Variants in SEMA4C observed in about 807,000 individuals in gnomAD.
The protein encoded by SEMA4C is semaphorin 4C.
In SEMA4C, 19 loss-of-function variants were observed where a neutral mutation model predicts 89.0. That is an observed-to-expected ratio of 0.21 (90% confidence interval 0.15 to 0.31). The LOEUF is 0.31. Among genes scored for constraint, SEMA4C ranks in the 10% least tolerant of loss-of-function variants. SEMA4C has a pLI of 1.00. For synonymous variants in SEMA4C, 428 were observed against 472.7 expected (o/e 0.91, Z 1.23); for missense variants, 811 against 1,107.0 (o/e 0.73, Z 3.79).
In SEMA4C at chr2:96,861,354, C is replaced by T. The variant is rs759807185; in HGVS notation, c.1774G>A (p.Gly592Ser). 1 of 1,607,730 alleles carries T rather than the reference C, an allele frequency of 6.2e-7. No homozygotes were observed. Among genetic ancestry groups the T allele is most frequent in the East Asian group, 2.2e-5 (1 of 44,888 alleles). ...NLAHARWTFG[G>S]RDLPAEQPGS... The stretch of plus-strand genomic sequence containing the variant: ...GGCTGTTCCGCAGGCAGGTCCCGGC[C>T]CCCAAAGGTCCAGCGGGCATGGGCC... The change falls in exon 15 of 15, where the codon GGC (glycine) becomes AGC (serine). Residue 592 changes from glycine (G) to serine (S), a missense_variant. Gly to Ser is a moderately conservative substitution (Grantham distance 56). Transcript: ENST00000305476. The surrounding 1 kb of genome is among the most constrained non-coding windows in gnomAD (Gnocchi z 7.8).
chr2:96,867,238 G>A (rs1270145416), intron 2 of SEMA4C, among the ~76,000 whole-genome samples: 1 of 152,224 alleles, frequency 6.6e-6, no homozygotes, highest in African/African-American at 2.4e-5. Flanking sequence ...GAGCCTGTGG[G>A]AGGTGAGCTC....
intron 12 of SEMA4C, chr2:96,863,165 G>A (rs1559032522): frequency 3.6e-6 from 3 of 826,588 alleles, no homozygotes; most frequent in East Asian, 1.2e-4. Context: ...AGCTGAGATC[G>A]CGTCACTGCA....
chr2:96,870,659 G>A (rs1342353292), upstream of SEMA4C: 2 of 985,348 alleles, frequency 2.0e-6, no homozygotes, highest in African/African-American at 3.5e-5. Context: ...CAACAGAAAG[G>A]GCCTGCTCCT....
Position 96,860,898 on chromosome 2 carries a change from T to C in SEMA4C, c.2230A>G (p.Lys744Glu). ...CACCGGGCATGCCCAGGTACTATCT[T>C]AAGGGAGCCATCTGAATAGTAGTAA... ...VGYYYSDGSLKIVPGHARCQP... is the reference protein window; with the variant it reads ...VGYYYSDGSLEIVPGHARCQP... The change falls in exon 15 of 15, where the codon AAG (lysine) becomes GAG (glutamate). Residue 744 changes from lysine to glutamate, a missense_variant. By Grantham distance (56) the Lys-to-Glu change is moderately conservative. This residue lies in a region of SEMA4C where 248 missense variants were observed against 269.0 expected (regional missense o/e 0.92). Transcript: ENST00000305476. The C allele has an allele frequency of 6.2e-7, 1 of 1,613,126 alleles. No individual in the cohort carries two copies. The highest frequency in any genetic ancestry group is 8.5e-7 in the Non-Finnish European group (1 of 1,180,014).
intron 2 of SEMA4C, 49 bp from the exon 3 acceptor site, chr2:96,866,480 C>G (rs1183791005): frequency 6.2e-6 from 10 of 1,612,866 alleles, no homozygotes; most frequent in Non-Finnish European, 8.5e-6. Context: ...TGGGGCTCGA[C>G]AGCCCTCAGT....
intron 6 of SEMA4C, 27 bp from the exon 7 acceptor site, chr2:96,865,347 C>T (rs780434224): frequency 5.6e-6 from 9 of 1,612,774 alleles, no homozygotes; most frequent in Non-Finnish European, 5.9e-6. Context: ...TCAGCTAGGC[C>T]ACACATGAGG....
Position 96,870,064 on chromosome 2 carries a change from G to A in SEMA4C, c.-226C>T, listed in dbSNP as rs2080171426. ...CGGGCTCCCCGCGCCACCACGGCGGGCGCCGGCTCTTTCTCCAGCGCGGCC... is the reference window on the plus strand; with the variant it reads ...CGGGCTCCCCGCGCCACCACGGCGGACGCCGGCTCTTTCTCCAGCGCGGCC... On this transcript the variant is annotated 5_prime_UTR_variant, in exon 1 of 15. Transcript: ENST00000305476. The A allele has an allele frequency of 1.0e-6, 1 of 977,874 alleles. No homozygotes were observed. Among genetic ancestry groups the A allele is most frequent in the Middle Eastern group, 5.2e-4 (1 of 1,908 alleles). 60.6% of individuals were successfully genotyped at this position (977,874 alleles called of 1,614,324 possible).
At chr2:96,870,155 C>A (rs903946943), upstream of SEMA4C, 29 of 980,492 alleles carry the variant, frequency 3.0e-5, no homozygotes, top group South Asian at 5.2e-4. Context: ...GGGGGCGGGC[C>A]GCGAAGGCTC....
In SEMA4C at chr2:96,860,856, G is replaced by C. The variant is rs908604554; in HGVS notation, c.2272C>G (p.Pro758Ala). The C allele has an allele frequency of 6.2e-7, 1 of 1,613,124 alleles. No individual in the cohort carries two copies. Reference protein sequence around the residue: ...GHARCQPGGGPPSPPPGIPGQ... With the variant: ...GHARCQPGGGAPSPPPGIPGQ... The stretch of plus-strand genomic sequence containing the variant: ...GGGATGCCTGGAGGTGGCGAAGGGG[G>C]CCCCCCACCGGGCTGGCACCGGGCA... The change falls in exon 15 of 15, where the codon CCC becomes GCC. Residue 758 changes from proline (P) to alanine (A), a missense_variant. By Grantham distance (27) the Pro-to-Ala change is conservative. Coordinates refer to ENST00000305476, the MANE Select transcript of SEMA4C (RefSeq NM_017789.5).
intron 3 of SEMA4C, 127 bp downstream of exon 3, chr2:96,866,156 C>T (rs2080065918): frequency 1.5e-6 from 2 of 1,350,012 alleles, no homozygotes; most frequent in East Asian, 2.3e-5. Flanking sequence ...AACCAGAGGG[C>T]AGGCCCCGGA....
Position 96,865,104 on chromosome 2 carries a change from C to A in SEMA4C, c.646G>T (p.Val216Leu), listed in dbSNP as rs1295045828. 6.4e-7 allele frequency: 1 copy of A among 1,572,948 alleles called. No homozygotes were observed. Among genetic ancestry groups the A allele is most frequent in the Non-Finnish European group, 8.6e-7 (1 of 1,158,986 alleles). The change falls in exon 8 of 15, where the codon GTA becomes TTA. Residue 216 changes from valine to leucine, a missense_variant. Coordinates refer to ENST00000305476, the MANE Select transcript of SEMA4C (RefSeq NM_017789.5). ...LAFWLNEPHF[V>L]GSAYVPESVG... ...CTCTCAGGTACATAGGCAGAGCCTA[C>A]AAAGTGAGGTTCTGTGGGAAGGGGA...
rs750339021 is a variant in SEMA4C at position 96,860,604 on chromosome 2, G to A, written c.*22C>T. ...AGGAGCTACACCTCCCACGCTTCCC[G>A]CCGACGCGGTGGGGGTTCCCCTCAT... On this transcript the variant is annotated 3_prime_UTR_variant, in exon 15 of 15. Transcript: ENST00000305476. 52 of 1,568,622 alleles carry A rather than the reference G, an allele frequency of 3.3e-5. No homozygotes were observed. Among genetic ancestry groups the A allele is most frequent in the East Asian group, 9.0e-5 (4 of 44,442 alleles).
Position 96,863,686 on chromosome 2 carries a change from C to G in SEMA4C, c.1439G>C (p.Ser480Thr), listed in dbSNP as rs753796093. The change falls in exon 12 of 15, where the codon AGC becomes ACC. Residue 480 changes from serine to threonine, a missense_variant. Physicochemically the swap from Ser to Thr is moderately conservative, Grantham distance 58 (BLOSUM62 1). This residue lies in a region of SEMA4C where 441 missense variants were observed against 664.9 expected (regional missense o/e 0.66). Coordinates refer to ENST00000305476, the MANE Select transcript of SEMA4C (RefSeq NM_017789.5). The part of the protein sequence containing the change: ...EPMRSLVLSQ[S>T]KKLLFAGSRS... ...AGATAGGGCCCAACTTACTACCTTG[C>G]TCTGAGATAGCACCAGGCTTCTCAT... 4 of 1,613,674 alleles carry G rather than the reference C, an allele frequency of 2.5e-6. No individual in the cohort carries two copies. The highest frequency in any genetic ancestry group is 3.4e-6 in the Non-Finnish European group (4 of 1,179,728).
chr2:96,870,531 G>A (rs746818280), upstream of SEMA4C: 4 of 984,950 alleles, frequency 4.1e-6, no homozygotes, highest in Non-Finnish European at 4.8e-6. Context: ...GTCTTTTGGG[G>A]CGGACCAGAG....
At position 96,866,975 on chromosome 2, in the gene SEMA4C, G is replaced by A. The variant is rs146636273; in HGVS notation, c.110-544C>T. On this transcript the variant is annotated intron_variant, in intron 2 of 14. Transcript: ENST00000305476. ...GGGATGGCAGGAGGGGAGCTGGGCT[G>A]TGAGCCAGGCCAGGGAGGTCCGGAG... The A allele has an allele frequency of 3.0e-4, 77 of 255,330 alleles. 1 individual carries two copies. The highest frequency in any genetic ancestry group is 1.6e-3 in the African/African-American group (74 of 44,854). The allele number at this position is 255,330 out of a possible 1,614,324, so 15.8% of individuals were successfully genotyped here. A position where few individuals can be genotyped will look rare whatever the true frequency, so the allele number is the denominator to read the frequency against.
chr2:96,868,045 C>T (rs2080121167), intron 1 of SEMA4C, 122 bp from the exon 2 acceptor site: 2 of 1,331,994 alleles, frequency 1.5e-6, no homozygotes, highest in African/African-American at 1.5e-5. Flanking sequence ...GCCCTCCTTC[C>T]CCTTCTCTTT....
intron 1 of SEMA4C, 119 bp downstream of exon 1, chr2:96,869,757 C>G (rs1018117509): frequency 2.3e-5 from 23 of 985,298 alleles, no homozygotes; most frequent in Middle Eastern, 5.2e-4. Context: ...GCCGCCGCGG[C>G]TCCCCGCGCC....
In SEMA4C at chr2:96,860,446, G is replaced by C; in HGVS notation, c.*180C>G. 1 of 551,664 alleles carries C rather than the reference G, an allele frequency of 1.8e-6. No individual in the cohort carries two copies. The highest frequency in any genetic ancestry group is 3.1e-5 in the South Asian group (1 of 32,284). 34.2% of individuals were successfully genotyped at this position (551,664 alleles called of 1,614,324 possible). A position where few individuals can be genotyped will look rare whatever the true frequency, so the allele number is the denominator to read the frequency against. On this transcript the variant is annotated 3_prime_UTR_variant, in exon 15 of 15. Coordinates refer to ENST00000305476, the MANE Select transcript of SEMA4C (RefSeq NM_017789.5). Reference sequence around the variant, plus strand: ...TTCTGCGAGGCTGGTGCCCTGGTGAGCCACACCAAGTGGCAGTGCCCGTGC... The same window carrying C: ...TTCTGCGAGGCTGGTGCCCTGGTGACCCACACCAAGTGGCAGTGCCCGTGC...
chr2:96,869,127 C>CG, intron 1 of SEMA4C: 3 of 985,354 alleles, frequency 3.0e-6, no homozygotes, highest in Non-Finnish European at 3.6e-6. Flanking sequence ...CGCGGGAGAG[C>CG]GGGGGCTGCG....
Sources: gnomAD v4.1 joint callset for allele counts (sites outside exome capture counted in the v4.1 genomes callset) on GRCh38, gnomAD v4.1.1 for gene constraint, gnomAD v4.1.1 regional missense constraint, Gnocchi (gnomAD v3.1) non-coding constraint, MANE v1.5 for transcripts, NCBI Gene and HGNC (gene_info 2026-07-23, HGNC 2026-07-21) for gene names.